DYRK1A: variants seen among roughly 807,000 people sequenced by gnomAD.
DYRK1A encodes the protein dual specificity tyrosine-phosphorylation-regulated kinase 1A.
A neutral mutation model predicts 79.7 loss-of-function variants in DYRK1A; 9 were observed. The observed-to-expected ratio is 0.11, with a 90% CI of 0.07 to 0.20. DYRK1A has a LOEUF of 0.20. Ranked by LOEUF, DYRK1A falls within the 10% of genes least tolerant of loss-of-function variation. The pLI, the probability that DYRK1A is intolerant of heterozygous loss-of-function variation, is 1.00. For missense variants in DYRK1A, 622 were observed against 956.0 expected (o/e 0.65, Z 4.61); for synonymous variants, 349 against 329.7 (o/e 1.06, Z -0.63).
intron 1 of DYRK1A, among the ~76,000 whole-genome samples, chr21:37,417,529 C>CTTTTTTTTTTTTTTTTTTTTTTTTT (rs3216074): frequency 4.5e-5 from 2 of 44,046 alleles, no homozygotes; most frequent in Non-Finnish European, 7.8e-5. Context: ...TTTTCTTTTT[C>CTTTTTTTTTTTTTTTTTTTTTTTTT]TTTTTTTTTT....
intron 3 of DYRK1A, among the ~76,000 whole-genome samples, chr21:37,473,865 T>C (rs1296274495): frequency 2.0e-5 from 3 of 152,184 alleles, no homozygotes; most frequent in Non-Finnish European, 2.9e-5. Flanking sequence ...TTCAGTTTAG[T>C]TGCGTGTTTG....
chr21:37,423,610 A>G (rs1300194231), intron 2 of DYRK1A, among the ~76,000 whole-genome samples: 1 of 152,126 alleles, frequency 6.6e-6, no homozygotes, highest in East Asian at 1.9e-4. Context: ...ATACCTATTA[A>G]TAACATCCTG....
At chr21:37,407,402 A>G (rs2050168426) in intron 1 of DYRK1A, among the ~76,000 whole-genome samples, 1 of 152,166 alleles carries the variant, frequency 6.6e-6, no homozygotes, top group South Asian at 2.1e-4. Context: ...TAGATTTAAA[A>G]TTTTGGAGCA....
intron 3 of DYRK1A, among the ~76,000 whole-genome samples, chr21:37,476,322 T>C (rs1232602940): frequency 6.6e-6 from 1 of 152,206 alleles, no homozygotes; most frequent in Admixed American, 6.5e-5. Context: ...CTTGTAAAAA[T>C]ATGCATGCTA....
At chr21:37,369,885 A>G (rs1160692137) in intron 1 of DYRK1A, among the ~76,000 whole-genome samples, 1 of 152,266 alleles carries the variant, frequency 6.6e-6, no homozygotes, top group East Asian at 1.9e-4. Context: ...ATTGTGTGCA[A>G]GATATCTAAA....
upstream of DYRK1A, among the ~76,000 whole-genome samples, chr21:37,366,648 G>A (rs935436228): frequency 6.6e-6 from 1 of 151,864 alleles, no homozygotes; most frequent in Admixed American, 6.6e-5. Context: ...GAGACGGAAA[G>A]GAGGGAACGG....
intron 2 of DYRK1A, among the ~76,000 whole-genome samples, chr21:37,439,615 C>G (rs2051030411): frequency 6.6e-6 from 1 of 152,170 alleles, no homozygotes; most frequent in African/African-American, 2.4e-5. Flanking sequence ...TTGCGTGCTT[C>G]TTATGAGAGT....
At chr21:37,463,571 A>G (rs1373601197) in intron 2 of DYRK1A, among the ~76,000 whole-genome samples, 1 of 152,140 alleles carries the variant, frequency 6.6e-6, no homozygotes, top group Non-Finnish European at 1.5e-5. Flanking sequence ...TCCCTCTCTC[A>G]ATGATTTCTT....
chr21:37,378,624 A>G (rs1011604808), intron 1 of DYRK1A, among the ~76,000 whole-genome samples: 1 of 152,252 alleles, frequency 6.6e-6, no homozygotes, highest in Non-Finnish European at 1.5e-5. Context: ...GTAAATGCCT[A>G]CAGAAAAGGG....
intron 2 of DYRK1A, among the ~76,000 whole-genome samples, chr21:37,453,093 G>A (rs762670902): frequency 6.6e-6 from 1 of 152,164 alleles, no homozygotes; most frequent in African/African-American, 2.4e-5. Context: ...CCTGGGTGAC[G>A]AGGGAGAGAC....
intron 2 of DYRK1A, among the ~76,000 whole-genome samples, chr21:37,424,489 A>G (rs536973797): frequency 6.6e-6 from 1 of 152,126 alleles, no homozygotes; most frequent in Admixed American, 6.5e-5. Context: ...AATTGAGGTC[A>G]TTTTGAATAT....
rs1286322554 is a variant in DYRK1A, at chr21:37,518,573, A to G, written c.*6042A>G. ...TGCAGCCAGGCAGGACTCTGGCAAG[A>G]AGAGGCGTGTGGCTAATATGACGGA... On this transcript the variant is annotated 3_prime_UTR_variant, in exon 12 of 12. Coordinates refer to ENST00000647188, the MANE Select transcript of DYRK1A (RefSeq NM_001347721.2). 2 of 151,588 alleles carry G rather than the reference A, an allele frequency of 1.3e-5. No individual in the cohort carries two copies. Among genetic ancestry groups the G allele is most frequent in the East Asian group, 3.9e-4 (2 of 5,166 alleles). The allele number at this position is 151,588 out of a possible 1,614,324, so 9.4% of individuals were successfully genotyped here.
rs1402666476 is a variant in DYRK1A, at chr21:37,375,518, A to G, written c.-77+7890A>G. 1.4e-4 allele frequency among the ~76,000 whole-genome samples: 13 copies of G among 89,968 alleles called. No homozygotes were observed. In the Admixed American group the frequency reaches 1.7e-3, roughly 12 times the overall value. 59.0% of individuals were successfully genotyped at this position (89,968 alleles called of 152,430 possible). A position where few individuals can be genotyped will look rare whatever the true frequency, so the allele number is the denominator to read the frequency against. On this transcript the variant is annotated intron_variant, in intron 1 of 11. Coordinates refer to ENST00000647188, the MANE Select transcript of DYRK1A (RefSeq NM_001347721.2). ...ATTAGAATATTCCTAGAGGAATATTACTTTTTTTTTTTTTTTTTTTTTTTG... is the reference window on the plus strand; with the variant it reads ...ATTAGAATATTCCTAGAGGAATATTGCTTTTTTTTTTTTTTTTTTTTTTTG...
At chr21:37,486,929 C>A (rs753956937) in intron 6 of DYRK1A, 13 of 179,998 alleles carry the variant, frequency 7.2e-5, no homozygotes, top group Non-Finnish European at 1.4e-4. Context: ...GTCATCTTTC[C>A]AGTAACTTTA....
intron 11 of DYRK1A, among the ~76,000 whole-genome samples, chr21:37,509,782 A>G (rs996243557): frequency 6.6e-6 from 1 of 152,222 alleles, no homozygotes; most frequent in African/African-American, 2.4e-5. Context: ...CTATTTACAA[A>G]TGGTAGTTTA....
At chr21:37,403,408 A>G (rs1274767415) in intron 1 of DYRK1A, among the ~76,000 whole-genome samples, 2 of 151,772 alleles carry the variant, frequency 1.3e-5, no homozygotes, top group Non-Finnish European at 2.9e-5. Context: ...CCCTTATTGG[A>G]TCACATTTTT....
chr21:37,460,789 T>G (rs1166642756), intron 2 of DYRK1A, among the ~76,000 whole-genome samples: 1 of 152,232 alleles, frequency 6.6e-6, no homozygotes, highest in Non-Finnish European at 1.5e-5. Flanking sequence ...TGACTGCCAA[T>G]AACTTAGTAC....
At chr21:37,441,623 T>C (rs760699189) in intron 2 of DYRK1A, among the ~76,000 whole-genome samples, 2 of 152,170 alleles carry the variant, frequency 1.3e-5, no homozygotes, top group Non-Finnish European at 2.9e-5. Context: ...GGATATTAGA[T>C]CACTTCACGT....
At chr21:37,413,488 G>A (rs1046009693) in intron 1 of DYRK1A, among the ~76,000 whole-genome samples, 23 of 152,120 alleles carry the variant, frequency 1.5e-4, no homozygotes. Context: ...GGGAGAGAGA[G>A]CAAGGCAGTT....
Sources: allele counts gnomAD v4.1 joint callset (sites outside exome capture counted in the v4.1 genomes callset), GRCh38; gene constraint gnomAD v4.1.1; transcripts MANE v1.5; gene names NCBI Gene and HGNC (gene_info 2026-07-23, HGNC 2026-07-21).